The following NFXL1 variants were observed in gnomAD, a reference collection of about 807,000 sequenced individuals.
NFXL1 encodes nuclear transcription factor, X-box binding like 1.
In NFXL1, 66 loss-of-function variants were observed where a neutral mutation model predicts 123.3. The observed-to-expected ratio is 0.54, with a 90% CI of 0.44 to 0.66. The LOEUF (loss-of-function observed/expected upper bound fraction) is 0.66, where lower values mean the gene tolerates loss of function less well. Among genes scored for constraint, NFXL1 ranks in the 30% least tolerant of loss-of-function variants. The pLI is 0.00. For missense variants in NFXL1, 944 were observed against 1,125.6 expected (o/e 0.84, Z 2.31); for synonymous variants, 346 against 360.8 (o/e 0.96, Z 0.46).
rs1037191149 is a variant in NFXL1 at position 47,910,736 on chromosome 4, T to G, written c.406+88A>C. ...AGTGCTCATCTTAAGATATAAAATC[T>G]ATTCCATATAGAACAAAGGCATTAC... On this transcript the variant is annotated intron_variant, in intron 3 of 22. Transcript: ENST00000507489. 5.6e-6 allele frequency: 4 copies of G among 712,240 alleles called. No individual in the cohort carries two copies. In the African/African-American group the frequency reaches 7.3e-5, roughly 13 times the overall value. The allele number at this position is 712,240 out of a possible 1,614,324, so 44.1% of individuals were successfully genotyped here.
chr4:47,882,835 T>TTCA (rs1736195651), intron 15 of NFXL1, among the ~76,000 whole-genome samples: 2 of 152,176 alleles, frequency 1.3e-5, no homozygotes, highest in Non-Finnish European at 2.9e-5. Flanking sequence ...CTTAAGACTT[T>TTCA]TCACACACAA....
At chr4:47,902,242 C>T (rs1191096741) in intron 5 of NFXL1, among the ~76,000 whole-genome samples, 7 of 151,638 alleles carry the variant, frequency 4.6e-5, no homozygotes, top group African/African-American at 1.7e-4. Flanking sequence ...ACTAAAGTTA[C>T]AAAATGTGAC....
chr4:47,913,966 C>A lies in NFXL1; in HGVS notation c.235+3G>T. 2 of 1,541,074 alleles carry A rather than the reference C, an allele frequency of 1.3e-6. No homozygotes were observed. The highest frequency in any genetic ancestry group is 1.8e-6 in the Non-Finnish European group (2 of 1,141,840). On this transcript the variant is annotated splice_donor_region_variant and intron_variant, in intron 2 of 22. Transcript: ENST00000507489. The stretch of plus-strand genomic sequence containing the variant: ...TGAGCACGCGGGCGGGAGCCATTCT[C>A]ACCGCTGGCTGCGGTAGTCTGCAGG...
intron 22 of NFXL1, among the ~76,000 whole-genome samples, chr4:47,849,385 A>G (rs192844209): frequency 2.0e-5 from 3 of 152,298 alleles, no homozygotes; most frequent in African/African-American, 7.2e-5. Context: ...GCTATAGTGC[A>G]TAGGTAATTA....
At chr4:47,911,459 C>T (rs73145965) in intron 2 of NFXL1, among the ~76,000 whole-genome samples, 4,534 of 152,212 alleles carry the variant, frequency 0.03, 246 homozygotes, top group African/African-American at 0.1. Flanking sequence ...GGATAGGACA[C>T]GACGGCCCAG....
At chr4:47,914,248 C>A in intron 1 of NFXL1, 43 bp from the exon 2 acceptor site, 1 of 1,389,930 alleles carries the variant, frequency 7.2e-7, no homozygotes, top group Admixed American at 2.7e-5. Flanking sequence ...AGGAGGTGAG[C>A]GCAGCGAGGA....
At chr4:47,876,853 G>A (rs1428519824) in intron 17 of NFXL1, among the ~76,000 whole-genome samples, 8 of 151,984 alleles carry the variant, frequency 5.3e-5, no homozygotes, top group Admixed American at 4.6e-4. Flanking sequence ...ATTTTCTGTG[G>A]GAAAAGGACA....
At chr4:47,851,826 T>C (rs6822668) in intron 21 of NFXL1, 30 bp downstream of exon 21, 1,018,456 of 1,358,466 alleles carry the variant, frequency 0.75, 383,549 homozygotes, top group South Asian at 0.76. Context: ...AGGCCACTAG[T>C]CTTTAAAATG....
At chr4:47,879,245 G>A in intron 15 of NFXL1, 128 bp from the exon 16 acceptor site, 1 of 427,842 alleles carries the variant, frequency 2.3e-6, no homozygotes, top group Non-Finnish European at 4.2e-6. Flanking sequence ...TAAAGTTACA[G>A]GACACGAAGT....
intron 19 of NFXL1, among the ~76,000 whole-genome samples, chr4:47,861,476 T>C (rs1455079905): frequency 6.6e-6 from 1 of 152,166 alleles, no homozygotes; most frequent in Non-Finnish European, 1.5e-5. Context: ...CACAACTTAT[T>C]TATAGCTAAG....
intron 3 of NFXL1, among the ~76,000 whole-genome samples, chr4:47,909,416 G>A (rs1265103314): frequency 1.3e-5 from 2 of 152,092 alleles, no homozygotes; most frequent in African/African-American, 2.4e-5. Flanking sequence ...AAGTCAACTA[G>A]GTTTAAACCC....
intron 18 of NFXL1, among the ~76,000 whole-genome samples, chr4:47,869,004 T>C (rs1735271196): frequency 6.6e-6 from 1 of 152,184 alleles, no homozygotes; most frequent in Non-Finnish European, 1.5e-5. Flanking sequence ...GAGGGTCTCT[T>C]GAGCCCAGGT....
intron 18 of NFXL1, among the ~76,000 whole-genome samples, chr4:47,870,747 T>C (rs1220151533): frequency 6.6e-6 from 1 of 152,122 alleles, no homozygotes; most frequent in Non-Finnish European, 1.5e-5. Flanking sequence ...TCACTGCCCA[T>C]TAAAAAGGCC....
intron 18 of NFXL1, among the ~76,000 whole-genome samples, chr4:47,874,551 C>T (rs1181344192): frequency 6.6e-6 from 1 of 152,078 alleles, no homozygotes; most frequent in Non-Finnish European, 1.5e-5. Context: ...AAAACAATTA[C>T]AATGGAAACA....
Position 47,891,830 on chromosome 4 carries a change from C to T in NFXL1, c.1453-1127G>A, listed in dbSNP as rs149903892. On this transcript the variant is annotated intron_variant, in intron 11 of 22. Transcript: ENST00000507489. ...GCGTGCCTGTAGTCCCAGCTACTTG[C>T]GGAGGCTGAGGCAGGAGAATTGCTT... Among the ~76,000 whole-genome samples, 859 of 151,608 alleles carry T rather than the reference C, an allele frequency of 5.7e-3. 5 individuals are homozygous for T. Among genetic ancestry groups the T allele is most frequent in the African/African-American group, 0.019 (803 of 41,352 alleles).
chr4:47,903,284 G>A lies in NFXL1; in HGVS notation c.556C>T (p.Pro186Ser), dbSNP rs1270166683. The A allele has an allele frequency of 6.3e-7, 1 of 1,592,852 alleles. No homozygotes were observed. The highest frequency in any genetic ancestry group is 8.6e-7 in the Non-Finnish European group (1 of 1,168,788). ...TCTTTAGCCCACTTCTGGATACAGG[G>A]CATGTGAAATATACAGAAACATCCC... The part of the protein sequence containing the change: ...CSGCFCIFHM[P>S]CIQKWAKDSQ... The change falls in exon 5 of 23, where the codon CCC becomes TCC. Residue 186 changes from proline to serine, a missense_variant. Pro to Ser is a moderately conservative substitution (Grantham distance 74). This residue lies in a region of NFXL1 where 303 missense variants were observed against 292.1 expected (regional missense o/e 1.04). Transcript: ENST00000507489.
Position 47,914,026 on chromosome 4 carries a change from C to T in NFXL1, c.178G>A (p.Ala60Thr), listed in dbSNP as rs1452553460. The T allele has an allele frequency of 1.3e-6, 2 of 1,548,710 alleles. No homozygotes were observed. Among genetic ancestry groups the T allele is most frequent in the Admixed American group, 2.0e-5 (1 of 50,984 alleles). ...SPGGVATTAA[A>T]GSRHSPAGSQ... ...CCTGCGGGGCTGTGCCTGCTCCCTGCAGCCGCCGTGGTCGCGACTCCTCCG... is the reference window on the plus strand; with the variant it reads ...CCTGCGGGGCTGTGCCTGCTCCCTGTAGCCGCCGTGGTCGCGACTCCTCCG... The change falls in exon 2 of 23, where the codon GCA becomes ACA. Residue 60 changes from alanine to threonine, a missense_variant. Ala to Thr is a moderately conservative substitution (Grantham distance 58). Transcript: ENST00000507489.
At chr4:47,883,919 G>A (rs942114018) in intron 15 of NFXL1, among the ~76,000 whole-genome samples, 2 of 152,150 alleles carry the variant, frequency 1.3e-5, no homozygotes, top group South Asian at 2.1e-4. Context: ...GCCCATCCAG[G>A]AAACTACTTC....
intron 18 of NFXL1, among the ~76,000 whole-genome samples, chr4:47,873,881 A>C (rs955545851): frequency 6.6e-6 from 1 of 152,224 alleles, no homozygotes; most frequent in Non-Finnish European, 1.5e-5. Context: ...TTGTGTAGCC[A>C]CCTTCATCAA....
Sources: allele counts gnomAD v4.1 joint callset (sites outside exome capture counted in the v4.1 genomes callset), GRCh38; gene constraint gnomAD v4.1.1; regional missense constraint gnomAD v4.1.1; transcripts MANE v1.5; gene names NCBI Gene and HGNC (gene_info 2026-07-23, HGNC 2026-07-21).